The following IQGAP1 variants were observed in gnomAD, a reference collection of about 807,000 sequenced individuals.
IQGAP1 encodes the protein IQ motif containing GTPase activating protein 1.
A neutral mutation model predicts 215.6 loss-of-function variants in IQGAP1; 66 were observed. The ratio of observed to expected loss-of-function variants is 0.31; its 90% CI spans 0.25 to 0.38. The LOEUF is 0.38. Ranked by LOEUF, IQGAP1 falls within the 10% of genes least tolerant of loss-of-function variation. The pLI is 1.00. For synonymous variants in IQGAP1, 772 were observed against 728.7 expected (o/e 1.06, Z -0.96); for missense variants, 1,712 against 1,997.1 (o/e 0.86, Z 2.72).
At chr15:90,498,391 TCA>T (rs1366665879) in intron 37 of IQGAP1, among the ~76,000 whole-genome samples, 6 of 151,918 alleles carry the variant, frequency 3.9e-5, no homozygotes, top group African/African-American at 1.2e-4. Context: ...TCTTATTCCC[TCA>T]GTTTCACCAA....
chr15:90,407,427 G>A (rs962560800), intron 2 of IQGAP1, among the ~76,000 whole-genome samples: 1 of 152,176 alleles, frequency 6.6e-6, no homozygotes, highest in African/African-American at 2.4e-5. Flanking sequence ...AGATGGGAGG[G>A]GAGTTCATTT....
chr15:90,449,699 G>T (rs1196827173), intron 11 of IQGAP1, 56 bp downstream of exon 11: 2 of 1,409,862 alleles, frequency 1.4e-6, no homozygotes. Context: ...GTTATTGAAG[G>T]GTCTGAGGTT....
chr15:90,473,646 A>C, intron 19 of IQGAP1, 69 bp from the exon 20 acceptor site: 1 of 1,153,798 alleles, frequency 8.7e-7, no homozygotes, highest in South Asian at 1.3e-5. Context: ...TATCAAGATG[A>C]AAGTTTTTTT....
intron 26 of IQGAP1, 52 bp downstream of exon 26, chr15:90,477,941 C>CT (rs869286981): frequency 9.0e-7 from 1 of 1,112,902 alleles, no homozygotes; most frequent in Admixed American, 1.8e-5. Context: ...GTCTTTCCCT[C>CT]TTTTTTCCCC....
intron 17 of IQGAP1, among the ~76,000 whole-genome samples, 174 bp downstream of exon 17, chr15:90,466,610 C>G (rs182115404): frequency 8.6e-5 from 13 of 150,960 alleles, no homozygotes; most frequent in South Asian, 4.2e-4. Context: ...CCTTCCCCCC[C>G]CCCTTGTGGA....
chr15:90,473,973 C>T lies in IQGAP1; in HGVS notation c.2505+6C>T, dbSNP rs771466559. ...TGCAGTACTTCCGGGACCATGTAAG[C>T]ACCCTTGGATCATACAGGCCATTAG... is the stretch of plus-strand genomic sequence containing the variant. On this transcript the variant is annotated splice_donor_region_variant and intron_variant, in intron 21 of 37. Coordinates refer to ENST00000268182, the MANE Select transcript of IQGAP1 (RefSeq NM_003870.4). 6 of 1,613,878 alleles carry T rather than the reference C, an allele frequency of 3.7e-6. No homozygotes were observed. In the South Asian group the frequency reaches 4.4e-5, roughly 12 times the overall value.
intron 28 of IQGAP1, 164 bp from the exon 29 acceptor site, chr15:90,483,197 G>A: frequency 3.4e-6 from 2 of 590,892 alleles, no homozygotes; most frequent in Non-Finnish European, 6.0e-6. Context: ...TCCAGGCCAT[G>A]AGAGAGAGTG....
intron 10 of IQGAP1, 102 bp downstream of exon 10, chr15:90,448,838 TACG>T: frequency 9.4e-7 from 1 of 1,063,936 alleles, no homozygotes; most frequent in South Asian, 3.2e-5. Flanking sequence ...TTTCCCCCAA[TACG>T]ACTTTTTCCT....
intron 26 of IQGAP1, among the ~76,000 whole-genome samples, chr15:90,479,273 A>C (rs1966022725): frequency 6.6e-6 from 1 of 152,046 alleles, no homozygotes; most frequent in Non-Finnish European, 1.5e-5. Context: ...TAATGTATTG[A>C]TTTACATTCT....
chr15:90,416,327 C>G (rs1193281619), intron 2 of IQGAP1, among the ~76,000 whole-genome samples: 2 of 152,106 alleles, frequency 1.3e-5, no homozygotes. Flanking sequence ...GGGTTGGTTC[C>G]AAGTCTTTGC....
intron 34 of IQGAP1, 26 bp downstream of exon 34, chr15:90,491,571 A>T: frequency 1.3e-6 from 2 of 1,593,758 alleles, no homozygotes; most frequent in Non-Finnish European, 1.7e-6. Context: ...GACAGAGGGG[A>T]CCCGGCCTTG....
intron 37 of IQGAP1, among the ~76,000 whole-genome samples, chr15:90,498,349 C>T (rs1455876794): frequency 1.7e-5 from 1 of 59,582 alleles, no homozygotes; most frequent in Non-Finnish European, 3.7e-5. Flanking sequence ...AACTAAAGTA[C>T]TTCCACCAAA....
intron 2 of IQGAP1, chr15:90,397,680 C>T (rs1412534210): frequency 6.6e-6 from 1 of 151,328 alleles, no homozygotes; most frequent in Non-Finnish European, 1.5e-5. Flanking sequence ...CCACACCTGG[C>T]TAATTTTTTA....
intron 2 of IQGAP1, chr15:90,391,661 C>G (rs1964637829): frequency 6.6e-6 from 1 of 152,350 alleles, no homozygotes; most frequent in Non-Finnish European, 1.5e-5. Context: ...AGTCAGCATC[C>G]TCTGCATTCT....
At position 90,452,762 on chromosome 15, in the gene IQGAP1, G is replaced by C. The variant is rs1017972732; in HGVS notation, c.1163-13G>C. 2 of 1,613,222 alleles carry C rather than the reference G, an allele frequency of 1.2e-6. No individual in the cohort carries two copies. Among genetic ancestry groups the C allele is most frequent in the Non-Finnish European group, 1.7e-6 (2 of 1,179,474 alleles). On this transcript the variant is annotated splice_polypyrimidine_tract_variant and intron_variant, in intron 11 of 37. Transcript: ENST00000268182. ...TAAGCCCACTGCGTTTCTGACTCCTGTTTTTTACACAGGATTGGCAGCAGT... is the reference window on the plus strand; with the variant it reads ...TAAGCCCACTGCGTTTCTGACTCCTCTTTTTTACACAGGATTGGCAGCAGT...
chr15:90,398,454 A>G (rs558567088), intron 2 of IQGAP1, among the ~76,000 whole-genome samples: 1 of 152,334 alleles, frequency 6.6e-6, no homozygotes, highest in East Asian at 1.9e-4. Context: ...ATAAAGGAAA[A>G]GAAGGGATTA....
At chr15:90,482,659 C>CT (rs60603100) in intron 28 of IQGAP1, 213,925 of 673,918 alleles carry the variant, frequency 0.32, 20,149 homozygotes, top group African/African-American at 0.63. Flanking sequence ...CTTCTCTTTT[C>CT]TTTTTTTTTT....
chr15:90,470,776 A>G (rs1965894017), intron 18 of IQGAP1, among the ~76,000 whole-genome samples: 1 of 152,098 alleles, frequency 6.6e-6, no homozygotes, highest in Non-Finnish European at 1.5e-5. Flanking sequence ...TTAATTGCCA[A>G]ATTCAATTCT....
rs138352975 is a variant in IQGAP1, at chr15:90,441,637, A to G, written c.781A>G (p.Ile261Val). The change falls in exon 8 of 38, where the codon ATA (isoleucine) becomes GTA (valine). Residue 261 changes from isoleucine to valine, a missense_variant. Transcript: ENST00000268182. Reference sequence around the variant, plus strand: ...GCCCTTGGCATCCACTTACCAGGATATACTTTACCAGGCTAAGCAGGACAA... The same window carrying G: ...GCCCTTGGCATCCACTTACCAGGATGTACTTTACCAGGCTAAGCAGGACAA... ...EEPLASTYQD[I>V]LYQAKQDKMT... 3.5e-4 allele frequency: 565 copies of G among 1,613,858 alleles called. 5 individuals carry two copies. The East Asian group carries it at 0.011, about 32-fold the overall frequency.
Sources: allele counts gnomAD v4.1 joint callset (sites outside exome capture counted in the v4.1 genomes callset), GRCh38; gene constraint gnomAD v4.1.1; transcripts MANE v1.5; gene names NCBI Gene and HGNC (gene_info 2026-07-23, HGNC 2026-07-21).